WRN: variants seen among roughly 807,000 people sequenced by gnomAD.
WRN encodes bifunctional 3'-5' exonuclease/ATP-dependent helicase WRN.
A neutral mutation model predicts 180.7 loss-of-function variants in WRN; 149 were observed. The ratio of observed to expected loss-of-function variants is 0.82; its 90% CI spans 0.72 to 0.94. The LOEUF is 0.94. Among genes scored for constraint, WRN ranks in the 40% least tolerant of loss-of-function variants. The probability of loss-of-function intolerance (pLI) is 0.00; values close to 1 mark genes in which losing one functional copy is unlikely to be tolerated. For synonymous variants in WRN, 548 were observed against 568.9 expected (o/e 0.96, Z 0.52); for missense variants, 1,661 against 1,700.1 (o/e 0.98, Z 0.40).
intron 1 of WRN, among the ~76,000 whole-genome samples, chr8:31,045,250 T>A (rs1811813477): frequency 6.6e-6 from 1 of 152,200 alleles, no homozygotes; most frequent in South Asian, 2.1e-4. Flanking sequence ...GATGTTTTGA[T>A]ACACATATAC....
chr8:31,151,170 T>C (rs1459667771), intron 31 of WRN, among the ~76,000 whole-genome samples: 1 of 152,188 alleles, frequency 6.6e-6, no homozygotes, highest in African/African-American at 2.4e-5. Context: ...GGGTCTCCAT[T>C]TCCTCAGCTA....
chr8:31,072,477 G>A (rs929031617), intron 7 of WRN, among the ~76,000 whole-genome samples: 9 of 152,098 alleles, frequency 5.9e-5, no homozygotes, highest in South Asian at 2.1e-4. Flanking sequence ...TCATATTAAC[G>A]TGAATAGAGG....
chr8:31,150,271 T>C, intron 30 of WRN, 70 bp from the exon 31 acceptor site: 1 of 1,269,610 alleles, frequency 7.9e-7, no homozygotes, highest in Non-Finnish European at 1.2e-6. Context: ...ATCAGCTATA[T>C]TGCTGGAGTG....
At chr8:31,082,689 C>G (rs1054859293) in intron 9 of WRN, among the ~76,000 whole-genome samples, 5 of 151,964 alleles carry the variant, frequency 3.3e-5, no homozygotes, top group Non-Finnish European at 5.9e-5. Context: ...CTCTGCCTCC[C>G]CGGTTCAAGT....
chr8:31,174,002 G>C lies in WRN; in HGVS notation c.*900G>C, dbSNP rs541625989. On this transcript the variant is annotated 3_prime_UTR_variant, in exon 35 of 35. Coordinates refer to ENST00000298139, the MANE Select transcript of WRN (RefSeq NM_000553.6). ...AACTTGTTAAGAAACAAATATATCTGTCATAGAAGAACTAGAAAATCCAGG... is the reference window on the plus strand; with the variant it reads ...AACTTGTTAAGAAACAAATATATCTCTCATAGAAGAACTAGAAAATCCAGG... Among the ~76,000 whole-genome samples the C allele has an allele frequency of 4.6e-5, 7 of 152,098 alleles. No homozygotes were observed. Among genetic ancestry groups the C allele is most frequent in the Non-Finnish European group, 7.4e-5 (5 of 68,000 alleles).
chr8:31,134,799 A>G (rs1396854827), intron 24 of WRN, among the ~76,000 whole-genome samples: 2 of 152,216 alleles, frequency 1.3e-5, no homozygotes, highest in African/African-American at 4.8e-5. Flanking sequence ...GTAATTTTCA[A>G]ACTATCTAAC....
intron 25 of WRN, 21 bp from the exon 26 acceptor site, chr8:31,141,660 G>T (rs1489831596): frequency 6.2e-7 from 1 of 1,614,112 alleles, no homozygotes; most frequent in African/African-American, 1.3e-5. Flanking sequence ...CACATTAAAA[G>T]ATCCTTTTTG....
chr8:31,048,660 G>C (rs914499508), intron 1 of WRN, among the ~76,000 whole-genome samples: 2 of 152,122 alleles, frequency 1.3e-5, no homozygotes, highest in Admixed American at 6.5e-5. Context: ...TTTTTAAAAA[G>C]TTTATTGCGC....
At chr8:31,100,001 C>T (rs1814156849) in intron 17 of WRN, among the ~76,000 whole-genome samples, 3 of 152,156 alleles carry the variant, frequency 2.0e-5, no homozygotes, top group African/African-American at 7.2e-5. Context: ...GCTTTTTAAT[C>T]ATCCTCCTCC....
At chr8:31,129,696 T>G (rs929309243) in intron 23 of WRN, among the ~76,000 whole-genome samples, 1 of 152,134 alleles carries the variant, frequency 6.6e-6, no homozygotes, top group African/African-American at 2.4e-5. Context: ...TAGGGATAGT[T>G]ACAATGATAT....
rs2130342503 is a variant in WRN, at chr8:31,124,531, T to C, written c.2640T>C (p.Leu880=). The C allele has an allele frequency of 6.2e-7, 1 of 1,612,256 alleles. No homozygotes were observed. ...TGTTTTTAATCGACAGGCACCTTCT[T>C]ACTGAGATACGTAATGAGAAGTTTC... The part of the protein sequence containing the change: ...PADINLNRHL[L]TEIRNEKFRL... Residue 880 remains leucine, a synonymous_variant, in exon 22 of 35, where the codon CTT becomes CTC. Transcript: ENST00000298139.
At chr8:31,136,023 G>T (rs1053987659) in intron 24 of WRN, among the ~76,000 whole-genome samples, 2 of 152,142 alleles carry the variant, frequency 1.3e-5, no homozygotes, top group African/African-American at 4.8e-5. Flanking sequence ...TAAAGGGAAA[G>T]AATGTGATAT....
intron 4 of WRN, 107 bp from the exon 5 acceptor site, chr8:31,064,808 A>G: frequency 4.6e-6 from 6 of 1,306,418 alleles, no homozygotes; most frequent in Non-Finnish European, 6.4e-6. Flanking sequence ...TGAATTTAAA[A>G]TTACTGTTAA....
chr8:31,137,054 TTC>T (rs767809923), intron 24 of WRN, among the ~76,000 whole-genome samples: 37 of 130,078 alleles, frequency 2.8e-4, no homozygotes, highest in Non-Finnish European at 4.7e-4. Flanking sequence ...TCTGTTTTAA[TTC>T]TGTTTTTTTT....
intron 4 of WRN, 44 bp downstream of exon 4, chr8:31,064,478 A>C (rs750732168): frequency 4.3e-6 from 7 of 1,612,808 alleles, no homozygotes. Context: ...GATAATTGTA[A>C]TATGTCAACT....
intron 9 of WRN, 62 bp downstream of exon 9, chr8:31,081,358 G>T (rs1167751600): frequency 6.5e-6 from 10 of 1,538,834 alleles, no homozygotes; most frequent in Non-Finnish European, 8.9e-6. Context: ...CTTTATTCCC[G>T]TAAAGAGACA....
At chr8:31,098,702 ATTAC>A (rs1002332283) in intron 17 of WRN, among the ~76,000 whole-genome samples, 1 of 152,208 alleles carries the variant, frequency 6.6e-6, no homozygotes, top group Admixed American at 6.5e-5. Flanking sequence ...TAAATGTTAA[ATTAC>A]TTAAGTAGTC....
At position 31,111,740 on chromosome 8, in the gene WRN, A is replaced by C; in HGVS notation, c.2214A>C (p.Glu738Asp). The change falls in exon 19 of 35, where the codon GAA becomes GAC. Residue 738 changes from glutamate (E) to aspartate (D), a missense_variant. Transcript: ENST00000298139. ...TGFDRPNLYL[E>D]VRRKTGNILQ... is the part of the protein sequence containing the mutation. ...TTGATCGACCAAACCTGTATTTAGAAGTTAGGCGAAAAACAGGGAATATCC... is the reference window on the plus strand; with the variant it reads ...TTGATCGACCAAACCTGTATTTAGACGTTAGGCGAAAAACAGGGAATATCC... 1 of 1,614,118 alleles carries C rather than the reference A, an allele frequency of 6.2e-7. No homozygotes were observed. Among genetic ancestry groups the C allele is most frequent in the Non-Finnish European group, 8.5e-7 (1 of 1,180,002 alleles).
intron 1 of WRN, among the ~76,000 whole-genome samples, chr8:31,048,094 A>G (rs1413567513): frequency 6.6e-6 from 1 of 152,228 alleles, no homozygotes; most frequent in African/African-American, 2.4e-5. Context: ...TTTATATAAT[A>G]TTTGACAGTT....
Sources: gnomAD v4.1 joint callset for allele counts (sites outside exome capture counted in the v4.1 genomes callset) on GRCh38, gnomAD v4.1.1 for gene constraint, MANE v1.5 for transcripts, NCBI Gene and HGNC (gene_info 2026-07-23, HGNC 2026-07-21) for gene names.